Variants in PCDHGA10 observed in about 807,000 individuals in gnomAD.
PCDHGA10 encodes protocadherin gamma-A10.
Under a neutral mutation model 59.5 loss-of-function variants are expected in PCDHGA10, and 42 were observed. The ratio of observed to expected loss-of-function variants is 0.71; its 90% CI spans 0.55 to 0.91. The LOEUF (loss-of-function observed/expected upper bound fraction) is 0.91. Among genes scored for constraint, PCDHGA10 ranks in the 40% least tolerant of loss-of-function variants. The probability of loss-of-function intolerance (pLI) is 0.00; values close to 1 mark genes in which losing one functional copy is unlikely to be tolerated. For synonymous variants in PCDHGA10, 511 were observed against 517.2 expected, an observed-to-expected ratio of 0.99 and a Z score of 0.16; for missense variants, 1,111 against 1,198.2, an observed-to-expected ratio of 0.93 and a Z score of 1.07.
At chr5:141,498,709 A>G (rs1245852373) in intron 2 of PCDHGA10, among the ~76,000 whole-genome samples, 2 of 152,148 alleles carry the variant, frequency 1.3e-5, no homozygotes, top group African/African-American at 4.8e-5. Context: ...AGGTGGGTGG[A>G]TCACCTGAGG....
chr5:141,428,367 G>C, intron 1 of PCDHGA10: 1 of 546,792 alleles, frequency 1.8e-6, no homozygotes, highest in South Asian at 1.9e-5. Context: ...CGGTCGCCTT[G>C]CACCTGCGAT....
At chr5:141,445,838 A>T (rs1302150397) in intron 1 of PCDHGA10, among the ~76,000 whole-genome samples, 1 of 152,218 alleles carries the variant, frequency 6.6e-6, no homozygotes, top group South Asian at 2.1e-4. Flanking sequence ...GAGCCTTGTA[A>T]ATCACACTTA....
intron 3 of PCDHGA10, chr5:141,506,955 C>T (rs1387377785): frequency 2.6e-5 from 4 of 152,362 alleles, no homozygotes; most frequent in South Asian, 2.1e-4. Context: ...AATGAATCCT[C>T]TCAATAGCTC....
At position 141,415,112 on chromosome 5, in the gene PCDHGA10, T is replaced by G; in HGVS notation, c.1937T>G (p.Leu646Arg). The change falls in exon 1 of 4, where the codon CTC (leucine) becomes CGC (arginine). Residue 646 changes from leucine to arginine, a missense_variant. Leu to Arg is a moderately radical substitution (Grantham distance 102, BLOSUM62 -2). Transcript: ENST00000398610. ...GACAGAGACGCGCTCAAGCAAAGCC[T>G]CGTAGTGGCCGTCCAGGACCACGGC... ...LLDRDALKQS[L>R]VVAVQDHGQP... 1 of 1,613,626 alleles carries G rather than the reference T, an allele frequency of 6.2e-7. No individual in the cohort carries two copies. Among genetic ancestry groups the G allele is most frequent in the Non-Finnish European group, 8.5e-7 (1 of 1,179,984 alleles).
intron 1 of PCDHGA10, chr5:141,478,852 A>G (rs2099480601): frequency 7.3e-7 from 1 of 1,367,502 alleles, no homozygotes; most frequent in African/African-American, 1.5e-5. Flanking sequence ...GCTAAAACAC[A>G]AGATCTCAGC....
chr5:141,507,872 C>T (rs2099864458), intron 3 of PCDHGA10, among the ~76,000 whole-genome samples: 1 of 152,168 alleles, frequency 6.6e-6, no homozygotes, highest in African/African-American at 2.4e-5. Flanking sequence ...GCTTCCTAGC[C>T]CTGAAACCAG....
chr5:141,421,787 C>A (rs753196648), intron 1 of PCDHGA10: 1 of 1,613,812 alleles, frequency 6.2e-7, no homozygotes, highest in East Asian at 2.2e-5. Flanking sequence ...CGGGGCAGAA[C>A]GGATGGGGCC....
chr5:141,451,860 C>T, intron 1 of PCDHGA10, among the ~76,000 whole-genome samples: 1 of 151,832 alleles, frequency 6.6e-6, no homozygotes, highest in Non-Finnish European at 1.5e-5. Flanking sequence ...CAGCCTAGGC[C>T]ACAGAATGAA....
chr5:141,414,225 G>A lies in PCDHGA10; in HGVS notation c.1050G>A (p.Glu350=). The change falls in exon 1 of 4, where the codon GAG becomes GAA. Residue 350 remains glutamate (E), a synonymous_variant. Coordinates refer to ENST00000398610, the MANE Select transcript of PCDHGA10 (RefSeq NM_018913.3). ...AAGATGTAAATGACAACAGTCCAGAGCTGACCATCACGTCTCTATTTAGTC... is the reference window on the plus strand; with the variant it reads ...AAGATGTAAATGACAACAGTCCAGAACTGACCATCACGTCTCTATTTAGTC... ...TVEDVNDNSP[E]LTITSLFSPV... is the part of the protein sequence containing the mutation. 6.2e-7 allele frequency: 1 copy of A among 1,613,398 alleles called. No homozygotes were observed. Among genetic ancestry groups the A allele is most frequent in the Non-Finnish European group, 8.5e-7 (1 of 1,179,746 alleles).
intron 1 of PCDHGA10, chr5:141,416,557 T>C (rs1428283225): frequency 3.9e-5 from 6 of 152,112 alleles, no homozygotes; most frequent in Non-Finnish European, 8.8e-5. Flanking sequence ...CCTGAAACTC[T>C]GAAAACTCTG....
intron 1 of PCDHGA10, among the ~76,000 whole-genome samples, chr5:141,464,370 T>C (rs1239284694): frequency 6.6e-6 from 1 of 151,828 alleles, no homozygotes. Context: ...CCAATATTTT[T>C]GCAATATAAA....
In PCDHGA10 at chr5:141,415,551, C is replaced by A. The variant is rs745641887; in HGVS notation, c.2376C>A (p.Asn792Lys). Reference protein sequence around the residue: ...TLISQESCEKNDPLSLLDDSK... With the variant: ...TLISQESCEKKDPLSLLDDSK... ...TCAGCCAGGAGAGCTGTGAGAAAAACGATCCTTTGTCTTTGTTAGATGATT... is the reference window on the plus strand; with the variant it reads ...TCAGCCAGGAGAGCTGTGAGAAAAAAGATCCTTTGTCTTTGTTAGATGATT... The change falls in exon 1 of 4, where the codon AAC (asparagine) becomes AAA (lysine). Residue 792 changes from asparagine (N) to lysine (K), a missense_variant. Transcript: ENST00000398610. 9 of 1,614,014 alleles carry A rather than the reference C, an allele frequency of 5.6e-6. No individual in the cohort carries two copies. Among genetic ancestry groups the A allele is most frequent in the Non-Finnish European group, 7.6e-6 (9 of 1,180,050 alleles).
intron 1 of PCDHGA10, chr5:141,441,988 A>G: frequency 3.7e-6 from 1 of 269,936 alleles, no homozygotes; most frequent in Non-Finnish European, 7.3e-6. Flanking sequence ...ATGCGCACCG[A>G]CGAGGTGCTG....
chr5:141,486,714 C>G lies in PCDHGA10; in HGVS notation c.2437-8093C>G. On this transcript the variant is annotated intron_variant, in intron 1 of 3. Transcript: ENST00000398610. This position sits in a 1 kb window ranked among gnomAD's most constrained non-coding sequence, Gnocchi z 5.0. ...TCTTTCATCTCTCTGAACCCCCAGA[C>G]AGGAGCTGTTCATGCTACTCGATCC... 1.2e-6 allele frequency: 2 copies of G among 1,614,216 alleles called. No individual in the cohort carries two copies. Among genetic ancestry groups the G allele is most frequent in the African/African-American group, 1.3e-5 (1 of 75,062 alleles).
chr5:141,485,865 C>A lies in PCDHGA10; in HGVS notation c.2437-8942C>A. ...TCTGGCACCGCAGAGCTCCGGGTAT[C>A]CGTGCTGGACGTAAACGACAACGCC... On this transcript the variant is annotated intron_variant, in intron 1 of 3. Transcript: ENST00000398610. The surrounding 1 kb of genome is among the most constrained non-coding windows in gnomAD (Gnocchi z 5.7). 1 of 1,614,182 alleles carries A rather than the reference C, an allele frequency of 6.2e-7. No homozygotes were observed. The highest frequency in any genetic ancestry group is 8.5e-7 in the Non-Finnish European group (1 of 1,180,034).
chr5:141,490,042 G>C lies in PCDHGA10; in HGVS notation c.2437-4765G>C. 1 of 1,614,266 alleles carries C rather than the reference G, an allele frequency of 6.2e-7. No individual in the cohort carries two copies. Among genetic ancestry groups the C allele is most frequent in the Non-Finnish European group, 8.5e-7 (1 of 1,180,038 alleles). The stretch of plus-strand genomic sequence containing the variant: ...TCTGCTGCTCCGCCTCAATGCCACT[G>C]ATCCAGACGAGGGCACCAACGGCCA... On this transcript the variant is annotated intron_variant, in intron 1 of 3. Coordinates refer to ENST00000398610, the MANE Select transcript of PCDHGA10 (RefSeq NM_018913.3). This position sits in a 1 kb window ranked among gnomAD's most constrained non-coding sequence, Gnocchi z 5.4.
At chr5:141,433,406 T>C (rs2097604777) in intron 1 of PCDHGA10, among the ~76,000 whole-genome samples, 1 of 149,982 alleles carries the variant, frequency 6.7e-6, no homozygotes, top group Non-Finnish European at 1.5e-5. Flanking sequence ...TATCTATCTA[T>C]TACTTTCTTG....
chr5:141,426,513 CG>C, intron 1 of PCDHGA10: 1 of 341,148 alleles, frequency 2.9e-6, no homozygotes, highest in Non-Finnish European at 5.8e-6. Flanking sequence ...AATACTTTAC[CG>C]TGAACACGGA....
rs1254986724 is a variant in PCDHGA10, at chr5:141,490,928, C to G, written c.2437-3879C>G. ...CTAGACGAGAATGATAATGCCCCAGCTGTGCTGCACCCACGGCCAGACTGG... is the reference window on the plus strand; with the variant it reads ...CTAGACGAGAATGATAATGCCCCAGGTGTGCTGCACCCACGGCCAGACTGG... On this transcript the variant is annotated intron_variant, in intron 1 of 3. Transcript: ENST00000398610. The surrounding 1 kb of genome is among the most constrained non-coding windows in gnomAD (Gnocchi z 5.4). 2 of 1,613,466 alleles carry G rather than the reference C, an allele frequency of 1.2e-6. No homozygotes were observed. Among genetic ancestry groups the G allele is most frequent in the Non-Finnish European group, 1.7e-6 (2 of 1,179,624 alleles).
Sources: allele counts gnomAD v4.1 joint callset (sites outside exome capture counted in the v4.1 genomes callset), GRCh38; gene constraint gnomAD v4.1.1; non-coding constraint Gnocchi (gnomAD v3.1); transcripts MANE v1.5; gene names NCBI Gene and HGNC (gene_info 2026-07-23, HGNC 2026-07-21).